The following ZNF284 variants were observed in gnomAD, a reference collection of about 807,000 sequenced individuals.
The protein encoded by ZNF284 is zinc finger protein 284.
A neutral mutation model predicts 12.9 loss-of-function variants in ZNF284; 12 were observed. The ratio of observed to expected loss-of-function variants is 0.93; its 90% CI spans 0.60 to 1.51. The LOEUF (loss-of-function observed/expected upper bound fraction) is 1.51. Among genes scored for constraint, ZNF284 ranks in the 40% most tolerant of loss-of-function variants. The pLI, the probability that ZNF284 is intolerant of heterozygous loss-of-function variation, is 0.00. For missense variants in ZNF284, 667 were observed against 707.3 expected (o/e 0.94, Z 0.65); for synonymous variants, 225 against 236.5 (o/e 0.95, Z 0.45).
chr19:44,086,647 A>G lies in ZNF284; in HGVS notation c.1169A>G (p.Gln390Arg), dbSNP rs770256401. 4.3e-6 allele frequency: 7 copies of G among 1,614,190 alleles called. No individual in the cohort carries two copies. The East Asian group carries it at 1.6e-4, about 36-fold the overall frequency. ...TGGTCCTCATGTCTTTCAAGACATC[A>G]GCGGGTCCACAATGGAGAAACAACA... is the stretch of plus-strand genomic sequence containing the variant. Reference protein sequence around the residue: ...FRWSSCLSRHQRVHNGETTFK... With the variant: ...FRWSSCLSRHRRVHNGETTFK... The change falls in exon 5 of 5, where the codon CAG becomes CGG. Residue 390 changes from glutamine to arginine, a missense_variant. Physicochemically the swap from Gln to Arg is conservative, Grantham distance 43. Transcript: ENST00000421176.
At chr19:44,084,929 C>A (rs1967204875) in intron 4 of ZNF284, among the ~76,000 whole-genome samples, 1 of 152,120 alleles carries the variant, frequency 6.6e-6, no homozygotes, top group South Asian at 2.1e-4. Context: ...CAGGTAGCCC[C>A]CTGTGCTAGT....
rs1034906817 is a variant in ZNF284 at position 44,086,289 on chromosome 19, A to G, written c.811A>G (p.Asn271Asp). The change falls in exon 5 of 5, where the codon AAT becomes GAT. Residue 271 changes from asparagine to aspartate, a missense_variant. Transcript: ENST00000421176. Reference protein sequence around the residue: ...CEECGKAFIHNSQLREHQRIH... With the variant: ...CEECGKAFIHDSQLREHQRIH... Reference sequence around the variant, plus strand: ...GGAATGTGGGAAGGCCTTCATTCACAATTCCCAGCTTCGGGAACATCAAAG... The same window carrying G: ...GGAATGTGGGAAGGCCTTCATTCACGATTCCCAGCTTCGGGAACATCAAAG... 6.2e-7 allele frequency: 1 copy of G among 1,614,102 alleles called. No individual in the cohort carries two copies. The highest frequency in any genetic ancestry group is 1.3e-5 in the African/African-American group (1 of 74,932).
chr19:44,077,921 T>A (rs1244127805), intron 2 of ZNF284, among the ~76,000 whole-genome samples: 1 of 152,134 alleles, frequency 6.6e-6, no homozygotes, highest in Non-Finnish European at 1.5e-5. Flanking sequence ...CTTCCTGTTG[T>A]GCCACCTCCT....
intron 1 of ZNF284, among the ~76,000 whole-genome samples, chr19:44,075,599 G>C (rs1225201418): frequency 6.6e-6 from 1 of 152,034 alleles, no homozygotes; most frequent in Admixed American, 6.6e-5. Context: ...GTTCCTTATG[G>C]GGAGATACAT....
chr19:44,075,021 A>G (rs1177527719), intron 1 of ZNF284, among the ~76,000 whole-genome samples: 1 of 152,116 alleles, frequency 6.6e-6, no homozygotes, highest in African/African-American at 2.4e-5. Flanking sequence ...TAAATATTAT[A>G]TTAAATAATA....
chr19:44,074,571 T>C (rs951904348), intron 1 of ZNF284, among the ~76,000 whole-genome samples: 2 of 152,210 alleles, frequency 1.3e-5, no homozygotes, highest in African/African-American at 4.8e-5. Context: ...TGTAGCTTTC[T>C]GCAGCAAAGA....
intron 1 of ZNF284, among the ~76,000 whole-genome samples, chr19:44,074,340 C>G (rs145854105): frequency 3.0e-4 from 46 of 151,138 alleles, no homozygotes; most frequent in Non-Finnish European, 6.3e-4. Flanking sequence ...GCAACAAGAG[C>G]GAAACTGCAT....
Position 44,072,278 on chromosome 19 carries a change from G to A in ZNF284, c.-82G>A, listed in dbSNP as rs564785079. 6.6e-6 allele frequency: 1 copy of A among 152,220 alleles called. No homozygotes were observed. The highest frequency in any genetic ancestry group is 2.4e-5 in the African/African-American group (1 of 41,420). The allele number at this position is 152,220 out of a possible 1,614,324, so 9.4% of individuals were successfully genotyped here. On this transcript the variant is annotated 5_prime_UTR_variant, in exon 1 of 5. Transcript: ENST00000421176. The stretch of plus-strand genomic sequence containing the variant: ...GTTGACTAAGGGGAGAAGGAGTCTC[G>A]TTGGAAAACGGAGGTTTGGAGGGAC...
intron 2 of ZNF284, among the ~76,000 whole-genome samples, chr19:44,078,314 T>C (rs1196170038): frequency 6.6e-6 from 1 of 152,242 alleles, no homozygotes; most frequent in African/African-American, 2.4e-5. Context: ...GATAATCTGC[T>C]TTTGGCTATT....
At position 44,074,179 on chromosome 19, in the gene ZNF284, C is replaced by A. The variant is rs1966993735; in HGVS notation, c.-69+1888C>A. Among the ~76,000 whole-genome samples the A allele has an allele frequency of 2.6e-5, 4 of 151,964 alleles. No individual in the cohort carries two copies. In the South Asian group the frequency reaches 8.3e-4, roughly 32 times the overall value. ...GACCAGCCTGACCATCATGGAGAAA[C>A]TCCATCTCTACTAAAAATACAAAAT... On this transcript the variant is annotated intron_variant, in intron 1 of 4. Coordinates refer to ENST00000421176, the MANE Select transcript of ZNF284 (RefSeq NM_001037813.4).
At chr19:44,084,916 C>T in intron 4 of ZNF284, among the ~76,000 whole-genome samples, 1 of 152,132 alleles carries the variant, frequency 6.6e-6, no homozygotes. Flanking sequence ...ATTGCATGGA[C>T]TCCAGGTAGC....
chr19:44,078,088 G>C (rs1409850336), intron 2 of ZNF284, among the ~76,000 whole-genome samples: 3 of 151,978 alleles, frequency 2.0e-5, no homozygotes, highest in Non-Finnish European at 4.4e-5. Flanking sequence ...ATCTAAAAAA[G>C]ACATAATCCA....
chr19:44,086,972 T>G lies in ZNF284; in HGVS notation c.1494T>G (p.Leu498=). The change falls in exon 5 of 5, where the codon CTT becomes CTG. Residue 498 remains leucine (L), a synonymous_variant. Transcript: ENST00000421176. ...CGKRFTENSK[L]RFHQRIHTGE... Reference sequence around the variant, plus strand: ...AGAGGTTTACTGAGAATTCAAAACTTCGTTTCCATCAAAGAATTCACACTG... The same window carrying G: ...AGAGGTTTACTGAGAATTCAAAACTGCGTTTCCATCAAAGAATTCACACTG... 2 of 1,614,180 alleles carry G rather than the reference T, an allele frequency of 1.2e-6. No homozygotes were observed. The highest frequency in any genetic ancestry group is 1.7e-6 in the Non-Finnish European group (2 of 1,180,030).
intron 1 of ZNF284, 82 bp downstream of exon 1, chr19:44,072,373 A>T (rs1435746495): frequency 2.0e-5 from 3 of 152,160 alleles, no homozygotes; most frequent in Non-Finnish European, 4.4e-5. Flanking sequence ...GTCCCCGGGC[A>T]TGAGGCTGGG....
Position 44,086,363 on chromosome 19 carries a change from C to A in ZNF284, c.885C>A (p.Ser295Arg). The A allele has an allele frequency of 1.2e-6, 2 of 1,614,076 alleles. No homozygotes were observed. Among genetic ancestry groups the A allele is most frequent in the Non-Finnish European group, 1.7e-6 (2 of 1,180,018 alleles). ...KPFKCYICGK[S>R]FHSRSNLNRH... The stretch of plus-strand genomic sequence containing the variant: ...TCAAATGTTATATATGTGGTAAGAG[C>A]TTCCATAGTAGATCAAATCTTAATA... The change falls in exon 5 of 5, where the codon AGC (serine) becomes AGA (arginine). Residue 295 changes from serine (S) to arginine (R), a missense_variant. Transcript: ENST00000421176.
At position 44,084,703 on chromosome 19, in the gene ZNF284, G is replaced by T. The variant is rs556763684; in HGVS notation, c.236-1011G>T. On this transcript the variant is annotated intron_variant, in intron 4 of 4. Transcript: ENST00000421176. ...GCTGGGGACTCTGCCATACTGCTGG[G>T]TCTAACAGGCATTATTGTAACCCTC... 2.0e-5 allele frequency among the ~76,000 whole-genome samples: 3 copies of T among 152,292 alleles called. No individual in the cohort carries two copies. In the South Asian group the frequency reaches 6.2e-4, roughly 32 times the overall value.
chr19:44,073,918 TA>T (rs759874578), intron 1 of ZNF284, among the ~76,000 whole-genome samples: 2 of 152,308 alleles, frequency 1.3e-5, no homozygotes, highest in Admixed American at 6.5e-5. Context: ...ATTTTATGAT[TA>T]AAAAAATGTG....
chr19:44,082,169 T>C (rs954839266), intron 4 of ZNF284, 64 bp downstream of exon 4: 1 of 1,348,372 alleles, frequency 7.4e-7, no homozygotes, highest in Non-Finnish European at 1.1e-6. Context: ...TTCTGTCCAT[T>C]GCCCAACTCC....
At chr19:44,085,408 T>C (rs1181433510) in intron 4 of ZNF284, 1 of 213,566 alleles carries the variant, frequency 4.7e-6, no homozygotes, top group Non-Finnish European at 9.4e-6. Context: ...TCATCACATA[T>C]ATAATTTAGT....
Sources: allele counts gnomAD v4.1 joint callset (sites outside exome capture counted in the v4.1 genomes callset), GRCh38; gene constraint gnomAD v4.1.1; transcripts MANE v1.5; gene names NCBI Gene and HGNC (gene_info 2026-07-23, HGNC 2026-07-21).